Variants in SLC38A9 observed in about 807,000 individuals in gnomAD.
SLC38A9 encodes neutral amino acid transporter 9.
In SLC38A9, 48 loss-of-function variants were observed where a neutral mutation model predicts 62.3. The observed-to-expected ratio is 0.77, with a 90% CI of 0.61 to 0.98. The LOEUF is 0.98. SLC38A9 is among the 50% of genes least tolerant of loss of function. SLC38A9 has a pLI of 0.00. For synonymous variants in SLC38A9, 204 were observed against 227.7 expected (o/e 0.90, Z 0.94); for missense variants, 541 against 679.8 (o/e 0.80, Z 2.27).
chr5:55,635,344 T>C lies in SLC38A9; in HGVS notation c.1281+200A>G, dbSNP rs928216921. 11 of 603,026 alleles carry C rather than the reference T, an allele frequency of 1.8e-5. No homozygotes were observed. The African/African-American group carries it at 1.9e-4, about 10-fold the overall frequency. The allele number at this position is 603,026 out of a possible 1,614,324, so 37.4% of individuals were successfully genotyped here. A position where few individuals can be genotyped will look rare whatever the true frequency, so the allele number is the denominator to read the frequency against. The stretch of plus-strand genomic sequence containing the variant: ...TCTAAAAATCAAATGGGGGTACTTA[T>C]TATACTATTTAATGGAAAAGAAAAA... On this transcript the variant is annotated intron_variant, in intron 13 of 15. Coordinates refer to ENST00000396865, the MANE Select transcript of SLC38A9 (RefSeq NM_173514.4).
intron 3 of SLC38A9, chr5:55,692,555 A>C: frequency 1.1e-6 from 1 of 875,694 alleles, no homozygotes; most frequent in Middle Eastern, 5.9e-4. Flanking sequence ...AGTACTGCTA[A>C]GTCTCTATAT....
intron 7 of SLC38A9, among the ~76,000 whole-genome samples, chr5:55,666,478 T>C (rs954159615): frequency 1.3e-5 from 2 of 152,198 alleles, no homozygotes; most frequent in Admixed American, 1.3e-4. Context: ...CTGCCACCTT[T>C]GAAGCAAAAT....
intron 2 of SLC38A9, among the ~76,000 whole-genome samples, chr5:55,710,414 GC>G (rs1228447200): frequency 6.6e-6 from 1 of 151,740 alleles, no homozygotes; most frequent in African/African-American, 2.4e-5. Context: ...CACCATGTTC[GC>G]CAGGCTGGTC....
At chr5:55,687,311 C>T (rs897517182) in intron 3 of SLC38A9, among the ~76,000 whole-genome samples, 9 of 149,862 alleles carry the variant, frequency 6.0e-5, no homozygotes, top group African/African-American at 2.0e-4. Flanking sequence ...CCTGTGGTCC[C>T]AGCTACTCGG....
chr5:55,644,526 A>C (rs1042004641), intron 12 of SLC38A9, among the ~76,000 whole-genome samples: 1 of 151,954 alleles, frequency 6.6e-6, no homozygotes, highest in Admixed American at 6.6e-5. Flanking sequence ...CAGTTCAAGC[A>C]ATTCTCTGCC....
intron 2 of SLC38A9, chr5:55,704,459 A>T (rs1195906107): frequency 6.6e-6 from 1 of 152,218 alleles, no homozygotes; most frequent in African/African-American, 2.4e-5. Context: ...AATTTTAAAA[A>T]CCTATAAGTT....
At chr5:55,703,077 T>C (rs77505255) in intron 2 of SLC38A9, among the ~76,000 whole-genome samples, 1,592 of 152,260 alleles carry the variant, frequency 0.01, 24 homozygotes, top group African/African-American at 0.037. Context: ...ACTAAAATAC[T>C]GAGTAATGGT....
At chr5:55,648,930 T>C (rs1053311394) in intron 11 of SLC38A9, among the ~76,000 whole-genome samples, 1 of 152,174 alleles carries the variant, frequency 6.6e-6, no homozygotes, top group Admixed American at 6.5e-5. Flanking sequence ...GCACATTATA[T>C]ACCCATAAGA....
At chr5:55,655,276 G>A (rs11739309) in intron 9 of SLC38A9, among the ~76,000 whole-genome samples, 90,364 of 151,916 alleles carry the variant, frequency 0.59, 27,542 homozygotes, top group South Asian at 0.7. Flanking sequence ...CTTTGCTGAT[G>A]GGGTTCTCTA....
At chr5:55,644,874 C>A (rs1039423888) in intron 12 of SLC38A9, among the ~76,000 whole-genome samples, 1 of 152,026 alleles carries the variant, frequency 6.6e-6, no homozygotes, top group African/African-American at 2.4e-5. Flanking sequence ...CCACTCCCCC[C>A]ACCCCACAAC....
chr5:55,699,123 C>T (rs1282107868), intron 2 of SLC38A9, among the ~76,000 whole-genome samples: 1 of 152,160 alleles, frequency 6.6e-6, no homozygotes, highest in East Asian at 1.9e-4. Context: ...GGCATGGTGG[C>T]ACGCTCCTGT....
chr5:55,688,074 A>G (rs1754190331), intron 3 of SLC38A9, among the ~76,000 whole-genome samples: 1 of 152,148 alleles, frequency 6.6e-6, no homozygotes, highest in Admixed American at 6.5e-5. Context: ...TTGTTGGTGT[A>G]TAGGAATGCT....
chr5:55,693,671 T>C (rs1215775431), intron 3 of SLC38A9, among the ~76,000 whole-genome samples: 1 of 152,216 alleles, frequency 6.6e-6, no homozygotes, highest in Non-Finnish European at 1.5e-5. Context: ...ATATGCCTCA[T>C]TTAATTCTTT....
intron 14 of SLC38A9, 148 bp downstream of exon 14, chr5:55,633,606 C>A: frequency 1.9e-6 from 2 of 1,045,278 alleles, no homozygotes; most frequent in Admixed American, 3.0e-5. Flanking sequence ...TAAAGCTCTT[C>A]AGGGAAGAGG....
intron 3 of SLC38A9, among the ~76,000 whole-genome samples, chr5:55,690,290 C>T (rs1754545029): frequency 6.6e-6 from 1 of 152,064 alleles, no homozygotes; most frequent in African/African-American, 2.4e-5. Context: ...CTGTGCCTTG[C>T]CTGTATTTAG....
At chr5:55,677,472 T>A (rs548967510) in intron 3 of SLC38A9, among the ~76,000 whole-genome samples, 1 of 152,250 alleles carries the variant, frequency 6.6e-6, no homozygotes, top group East Asian at 1.9e-4. Flanking sequence ...ACTCCTCCAA[T>A]GGAACTTTCA....
chr5:55,678,644 A>AC lies in SLC38A9; in HGVS notation c.114-5950dup, dbSNP rs1752542747. Among the ~76,000 whole-genome samples, 2 of 79,712 alleles carry AC rather than the reference A, an allele frequency of 2.5e-5. 1 individual carries two copies. The highest frequency in any genetic ancestry group is 5.2e-5 in the Non-Finnish European group (2 of 38,548). 52.3% of individuals were successfully genotyped at this position (79,712 alleles called of 152,430 possible). On this transcript the variant is annotated intron_variant, in intron 3 of 15. Transcript: ENST00000396865. ...TAATTGTTGGATAAGACTGAAATGA[A>AC]CTTTTTTTTTTTTTTTTTTTTTTTT...
chr5:55,695,273 C>CTTTTTTTTTTTTTTTTTT (rs67408828), intron 3 of SLC38A9, among the ~76,000 whole-genome samples: 1 of 140,058 alleles, frequency 7.1e-6, no homozygotes, highest in African/African-American at 2.6e-5. Context: ...AAGACCATTT[C>CTTTTTTTTTTTTTTTTTT]TTTTTTTTTT....
At chr5:55,700,371 A>AAAG (rs1554069849) in intron 2 of SLC38A9, among the ~76,000 whole-genome samples, 164 of 151,388 alleles carry the variant, frequency 1.1e-3, no homozygotes, top group African/African-American at 3.7e-3. Flanking sequence ...AAAAAAAAAA[A>AAAG]GAACTAAAAT....
Sources: allele counts gnomAD v4.1 joint callset (sites outside exome capture counted in the v4.1 genomes callset), GRCh38; gene constraint gnomAD v4.1.1; transcripts MANE v1.5; gene names NCBI Gene and HGNC (gene_info 2026-07-23, HGNC 2026-07-21).